The following GABRB1 variants were observed in gnomAD, a reference collection of about 807,000 sequenced individuals.
GABRB1 encodes gamma-aminobutyric acid receptor subunit beta-1.
In GABRB1, 17 loss-of-function variants were observed where a neutral mutation model predicts 51.6. The observed-to-expected ratio is 0.33, with a 90% CI of 0.23 to 0.49. The LOEUF is 0.49. Among genes scored for constraint, GABRB1 ranks in the 20% least tolerant of loss-of-function variants. GABRB1 has a pLI of 0.99. For synonymous variants in GABRB1, 247 were observed against 218.9 expected, an observed-to-expected ratio of 1.13 and a Z score of -1.14; for missense variants, 410 against 600.6, an observed-to-expected ratio of 0.68 and a Z score of 3.32.
In GABRB1 at chr4:47,007,371, C is replaced by G. The variant is rs559548114; in HGVS notation, c.-20+13445C>G. 1.7e-4 allele frequency among the ~76,000 whole-genome samples: 26 copies of G among 152,196 alleles called. 1 individual carries two copies. In the South Asian group the frequency reaches 5.4e-3, roughly 32 times the overall value. On this transcript the variant is annotated intron_variant, in intron 1 of 3. Transcript: ENST00000513567. ...GAACCTCAATTAATAGCTTAAAAAA[C>G]TAAAGAACACATTGACAAAACTAAG...
chr4:47,379,688 G>T (rs1016865883), intron 5 of GABRB1, among the ~76,000 whole-genome samples: 5 of 152,084 alleles, frequency 3.3e-5, no homozygotes, highest in African/African-American at 1.2e-4. Context: ...ATCCAGGAAG[G>T]GTCAAATATA....
At chr4:47,078,362 C>T (rs1422319268) in intron 3 of GABRB1, among the ~76,000 whole-genome samples, 1 of 152,054 alleles carries the variant, frequency 6.6e-6, no homozygotes. Flanking sequence ...CTGTTCTTAA[C>T]CTCTTCTTTT....
At chr4:47,356,499 T>C (rs918377485) in intron 5 of GABRB1, among the ~76,000 whole-genome samples, 7 of 152,188 alleles carry the variant, frequency 4.6e-5, no homozygotes, top group African/African-American at 1.2e-4. Context: ...CAATCTTGTC[T>C]GCTGTGCCAT....
At chr4:47,154,839 C>A (rs1161261701) in intron 3 of GABRB1, among the ~76,000 whole-genome samples, 1 of 152,034 alleles carries the variant, frequency 6.6e-6, no homozygotes. Context: ...GCATTTTTCT[C>A]CATTTTCTTT....
intron 4 of GABRB1, among the ~76,000 whole-genome samples, chr4:47,280,466 C>G (rs1441027414): frequency 6.6e-6 from 1 of 150,430 alleles, no homozygotes; most frequent in Non-Finnish European, 1.5e-5. Context: ...TTACTATTAC[C>G]AGTGATTTTA....
intron 4 of GABRB1, among the ~76,000 whole-genome samples, chr4:47,247,569 A>G (rs980049179): frequency 1.3e-5 from 2 of 152,000 alleles, no homozygotes; most frequent in East Asian, 1.9e-4. Context: ...TGATGGTGGT[A>G]TTTTGATGGG....
intron 5 of GABRB1, among the ~76,000 whole-genome samples, chr4:47,374,062 C>G (rs895127751): frequency 1.3e-5 from 2 of 152,130 alleles, no homozygotes; most frequent in Admixed American, 6.5e-5. Flanking sequence ...ATACACCATG[C>G]AAAGCCCTTG....
chr4:47,216,342 T>C (rs1363643280), intron 4 of GABRB1, among the ~76,000 whole-genome samples: 2 of 151,934 alleles, frequency 1.3e-5, no homozygotes, highest in Non-Finnish European at 2.9e-5. Context: ...ACATACAGTT[T>C]TCTACCCCAT....
upstream of GABRB1, among the ~76,000 whole-genome samples, chr4:47,028,890 G>A (rs1386646970): frequency 1.3e-5 from 2 of 148,768 alleles, no homozygotes; most frequent in African/African-American, 2.5e-5. Context: ...TATATATGGT[G>A]TATATGTACA....
At chr4:47,207,780 T>C (rs1720194463) in intron 4 of GABRB1, among the ~76,000 whole-genome samples, 1 of 99,420 alleles carries the variant, frequency 1.0e-5, no homozygotes, top group South Asian at 3.8e-4. Flanking sequence ...TCTTTTCCAC[T>C]TCTGTAGCAT....
At position 46,996,512 on chromosome 4, in the gene GABRB1, T is replaced by A. The variant is rs1480762254; in HGVS notation, c.-20+2586T>A. ...AAATGAACACAAAATCTTGTGTTTA[T>A]GTAAGTATGTGCATTTTCCTGTGAG... On this transcript the variant is annotated intron_variant, in intron 1 of 3. Coordinates refer to the GABRB1 transcript ENST00000513567. 1.3e-5 allele frequency among the ~76,000 whole-genome samples: 2 copies of A among 152,214 alleles called. 1 individual carries two copies. Among genetic ancestry groups the A allele is most frequent in the Non-Finnish European group, 2.9e-5 (2 of 68,028 alleles).
chr4:47,164,764 T>G (rs989808), intron 4 of GABRB1, among the ~76,000 whole-genome samples: 130,282 of 152,080 alleles, frequency 0.86, 55,881 homozygotes, highest in African/African-American at 0.91. Context: ...TGTCAATTCA[T>G]ATTTTTCACC....
chr4:47,150,479 T>C lies in GABRB1; in HGVS notation c.241-10770T>C, dbSNP rs185869352. The stretch of plus-strand genomic sequence containing the variant: ...GAGCATTAATAGAATAATGATTAAA[T>C]AATTAACAGTATATTCATATCATAC... On this transcript the variant is annotated intron_variant, in intron 3 of 8. Transcript: ENST00000295454. 5.9e-5 allele frequency among the ~76,000 whole-genome samples: 9 copies of C among 152,034 alleles called. No homozygotes were observed. In the East Asian group the frequency reaches 1.6e-3, roughly 26 times the overall value.
rs149512765 is a variant in GABRB1, at chr4:47,093,027, T to C, written c.240+60543T>C. On this transcript the variant is annotated intron_variant, in intron 3 of 8. Transcript: ENST00000295454. ...GAGTAACATACTTATCATTGTCATA[T>C]AACTTCTCACACAACTTGGTTTTAC... is the stretch of plus-strand genomic sequence containing the variant. 4.4e-3 allele frequency among the ~76,000 whole-genome samples: 672 copies of C among 152,344 alleles called. 5 individuals are homozygous for C. Among genetic ancestry groups the C allele is most frequent in the African/African-American group, 0.015 (634 of 41,568 alleles).
chr4:47,358,209 C>T (rs945213156), intron 5 of GABRB1, among the ~76,000 whole-genome samples: 2 of 151,920 alleles, frequency 1.3e-5, no homozygotes, highest in Non-Finnish European at 2.9e-5. Context: ...CTTGCATTCA[C>T]GTTTTAGGAT....
chr4:47,261,179 A>T (rs1209254793), intron 4 of GABRB1, among the ~76,000 whole-genome samples: 1 of 152,208 alleles, frequency 6.6e-6, no homozygotes, highest in Non-Finnish European at 1.5e-5. Context: ...TATTCCACAT[A>T]GAGTTGGAAG....
chr4:47,297,279 T>G (rs1208618581), intron 4 of GABRB1, among the ~76,000 whole-genome samples: 1 of 81,500 alleles, frequency 1.2e-5, no homozygotes, highest in African/African-American at 5.6e-5. Flanking sequence ...CTGAAGGAAA[T>G]AGAGACACAA....
chr4:47,175,668 C>T (rs1467350659), intron 4 of GABRB1, among the ~76,000 whole-genome samples: 1 of 152,118 alleles, frequency 6.6e-6, no homozygotes, highest in East Asian at 1.9e-4. Context: ...GGGATTTCCT[C>T]CTAAGAGTAT....
chr4:47,132,387 G>T (rs926861091), intron 3 of GABRB1, among the ~76,000 whole-genome samples: 2 of 121,682 alleles, frequency 1.6e-5, no homozygotes, highest in Non-Finnish European at 3.4e-5. Flanking sequence ...GTTTGTTTTG[G>T]TTTGTTTTGG....
Sources: gnomAD v4.1 joint callset for allele counts (sites outside exome capture counted in the v4.1 genomes callset) on GRCh38, gnomAD v4.1.1 for gene constraint, MANE v1.5 for transcripts, NCBI Gene and HGNC (gene_info 2026-07-23, HGNC 2026-07-21) for gene names.